The following PRDM16 variants were observed in gnomAD, a reference collection of about 807,000 sequenced individuals.
PRDM16 encodes histone-lysine N-methyltransferase PRDM16.
A neutral mutation model predicts 110.6 loss-of-function variants in PRDM16; 23 were observed. The observed-to-expected ratio is 0.21, with a 90% CI of 0.15 to 0.29. The LOEUF is 0.29. PRDM16 is among the 10% of genes least tolerant of loss of function. PRDM16 has a pLI of 1.00. For synonymous variants in PRDM16, 799 were observed against 781.8 expected (o/e 1.02, Z -0.37); for missense variants, 1,615 against 1,794.3 (o/e 0.90, Z 1.81).
chr1:3,236,801 G>C (rs1178162918), intron 2 of PRDM16, among the ~76,000 whole-genome samples: 3 of 152,242 alleles, frequency 2.0e-5, no homozygotes, highest in African/African-American at 7.2e-5. Context: ...CTTCTGCACA[G>C]AGCAGGAAGC....
intron 3 of PRDM16, among the ~76,000 whole-genome samples, chr1:3,281,921 A>G (rs1640718569): frequency 6.6e-6 from 1 of 152,216 alleles, no homozygotes; most frequent in South Asian, 2.1e-4. Flanking sequence ...TGGAGCTGGC[A>G]TGAGGCCAAG....
In PRDM16 at chr1:3,085,655, C is replaced by T. The variant is rs185552935; in HGVS notation, c.37+16359C>T. ...TGTGGTGTCATCAAGAACGGGTGGTCCCTTTAGGACGCCCAGCATCCTGCC... is the reference window on the plus strand; with the variant it reads ...TGTGGTGTCATCAAGAACGGGTGGTTCCTTTAGGACGCCCAGCATCCTGCC... On this transcript the variant is annotated intron_variant, in intron 1 of 16. Coordinates refer to ENST00000270722, the MANE Select transcript of PRDM16 (RefSeq NM_022114.4). Among the ~76,000 whole-genome samples the T allele has an allele frequency of 5.9e-5, 9 of 152,306 alleles. 1 individual carries two copies. The East Asian group carries it at 1.7e-3, about 29-fold the overall frequency.
At chr1:3,300,913 T>C (rs1157734691) in intron 3 of PRDM16, among the ~76,000 whole-genome samples, 1 of 152,174 alleles carries the variant, frequency 6.6e-6, no homozygotes, top group Non-Finnish European at 1.5e-5. Context: ...TGTGGTGTTA[T>C]CTGTTTGCTT....
intron 14 of PRDM16, among the ~76,000 whole-genome samples, chr1:3,427,174 C>A (rs1218411037): frequency 6.6e-6 from 1 of 152,238 alleles, no homozygotes; most frequent in Non-Finnish European, 1.5e-5. Flanking sequence ...ATGCTCTGTG[C>A]AACCTGGGAT....
chr1:3,075,947 G>C (rs1387131100), intron 1 of PRDM16, among the ~76,000 whole-genome samples: 1 of 152,210 alleles, frequency 6.6e-6, no homozygotes, highest in African/African-American at 2.4e-5. Flanking sequence ...TCCTCCTGGG[G>C]GAGGAGGAGT....
intron 3 of PRDM16, among the ~76,000 whole-genome samples, chr1:3,375,257 C>T (rs1347413333): frequency 6.6e-6 from 1 of 152,236 alleles, no homozygotes; most frequent in Non-Finnish European, 1.5e-5. Context: ...CCCCCCAGGA[C>T]ATGGTGCTCC....
chr1:3,308,102 T>C (rs1284472953), intron 3 of PRDM16: 1 of 152,232 alleles, frequency 6.6e-6, no homozygotes, highest in African/African-American at 2.4e-5. Context: ...CTTTGGATCA[T>C]GGTCCTGGCT....
At chr1:3,295,044 T>C (rs1302757017) in intron 3 of PRDM16, among the ~76,000 whole-genome samples, 3 of 152,166 alleles carry the variant, frequency 2.0e-5, no homozygotes, top group African/African-American at 7.2e-5. Flanking sequence ...CCCACTGGGC[T>C]TTCTTCGAGG....
intron 3 of PRDM16, among the ~76,000 whole-genome samples, chr1:3,268,032 A>G (rs1374831865): frequency 6.6e-6 from 1 of 152,216 alleles, no homozygotes; most frequent in African/African-American, 2.4e-5. Context: ...TGCAGACCTC[A>G]GGGGCCTGCG....
rs183980435 is a variant in PRDM16, at chr1:3,390,510, G to A, written c.573+5224G>A. Among the ~76,000 whole-genome samples the A allele has an allele frequency of 3.9e-5, 6 of 152,294 alleles. No individual in the cohort carries two copies. The South Asian group carries it at 8.3e-4, about 21-fold the overall frequency. ...CCAGGGGCAGAGCAGGGGTCCCGGC[G>A]CCCGCCGTGGAGCAGCACAGCCCCT... On this transcript the variant is annotated intron_variant, in intron 4 of 16. Transcript: ENST00000270722. The surrounding 1 kb of genome is among the most constrained non-coding windows in gnomAD (Gnocchi z 5.0).
Position 3,361,763 on chromosome 1 carries a change from C to T in PRDM16, c.439-23389C>T, listed in dbSNP as rs182440948. On this transcript the variant is annotated intron_variant, in intron 3 of 16. Transcript: ENST00000270722. ...AGCGAGGGCAGGTGGTGAGAAGTGA[C>T]GCGGTCTGGGAGGGCAGGAGGTGAG... 4.0e-5 allele frequency among the ~76,000 whole-genome samples: 6 copies of T among 150,986 alleles called. No homozygotes were observed. The South Asian group carries it at 1.1e-3, about 27-fold the overall frequency.
At chr1:3,095,742 G>A (rs1213997187) in intron 1 of PRDM16, among the ~76,000 whole-genome samples, 1 of 152,102 alleles carries the variant, frequency 6.6e-6, no homozygotes, top group Non-Finnish European at 1.5e-5. Context: ...GGGGGCAGGG[G>A]TCAGTGTGGG....
chr1:3,247,718 C>A (rs1213561365), intron 3 of PRDM16, among the ~76,000 whole-genome samples: 15 of 151,534 alleles, frequency 9.9e-5, no homozygotes. Context: ...GGTGCGCTCG[C>A]CCTGGTGCCC....
rs551513956 is a variant in PRDM16, at chr1:3,427,905, C to G, written c.3284+1680C>G. ...GAACTCTGCCCTGGCCACGCTGAGA[C>G]AGCCGCATGGGAGCTGTTCGTGTTC... On this transcript the variant is annotated intron_variant, in intron 14 of 16. Transcript: ENST00000270722. Among the ~76,000 whole-genome samples the G allele has an allele frequency of 3.3e-3, 497 of 152,292 alleles. 2 individuals are homozygous for G. Among genetic ancestry groups the G allele is most frequent in the Non-Finnish European group, 5.4e-3 (368 of 68,024 alleles).
At chr1:3,379,161 CACACCCCTCCCAA>C in intron 3 of PRDM16, among the ~76,000 whole-genome samples, 1 of 68,032 alleles carries the variant, frequency 1.5e-5, no homozygotes, top group South Asian at 1.1e-3. Context: ...CCCCTCCCAG[CACACCCCTCCCAA>C]AACACCCCTC....
At chr1:3,252,252 G>C (rs139534691) in intron 3 of PRDM16, among the ~76,000 whole-genome samples, 184 of 152,328 alleles carry the variant, frequency 1.2e-3, no homozygotes, top group Non-Finnish European at 2.2e-3. Flanking sequence ...CCGGCTCCGA[G>C]GGCCAGCTCT....
At chr1:3,093,173 C>T (rs1334982330) in intron 1 of PRDM16, among the ~76,000 whole-genome samples, 1 of 152,182 alleles carries the variant, frequency 6.6e-6, no homozygotes, top group Non-Finnish European at 1.5e-5. Context: ...TCACCCAAAT[C>T]TCTTGAAGGG....
At position 3,195,732 on chromosome 1, in the gene PRDM16, G is replaced by A. The variant is rs116275527; in HGVS notation, c.387+9258G>A. ...AGAAGCAGGAGGGAGAAGGGCTTCTGCGTGGGGGCGTGGCCCAGCCTCCCC... is the reference window on the plus strand; with the variant it reads ...AGAAGCAGGAGGGAGAAGGGCTTCTACGTGGGGGCGTGGCCCAGCCTCCCC... On this transcript the variant is annotated intron_variant, in intron 2 of 16. Transcript: ENST00000270722. Among the ~76,000 whole-genome samples, 1,051 of 152,296 alleles carry A rather than the reference G, an allele frequency of 6.9e-3. 16 individuals are homozygous for A. The highest frequency in any genetic ancestry group is 0.024 in the African/African-American group (1,010 of 41,566).
intron 1 of PRDM16, among the ~76,000 whole-genome samples, chr1:3,104,388 G>A (rs563248371): frequency 9.2e-5 from 14 of 152,332 alleles, no homozygotes; most frequent in Middle Eastern, 6.8e-3. Flanking sequence ...AAGCGCCTCC[G>A]TGCACAGGGC....
Sources: allele counts gnomAD v4.1 joint callset (sites outside exome capture counted in the v4.1 genomes callset), GRCh38; gene constraint gnomAD v4.1.1; non-coding constraint Gnocchi (gnomAD v3.1); transcripts MANE v1.5; gene names NCBI Gene and HGNC (gene_info 2026-07-23, HGNC 2026-07-21).